The following ATRNL1 variants were observed in gnomAD, a reference collection of about 807,000 sequenced individuals.
ATRNL1 encodes the protein attractin-like protein 1.
ATRNL1 carries 95 observed loss-of-function variants against 182.7 expected under a neutral mutation model. The ratio of observed to expected loss-of-function variants is 0.52; its 90% CI spans 0.44 to 0.62. The LOEUF (loss-of-function observed/expected upper bound fraction) is 0.62, where lower values mean the gene tolerates loss of function less well. Ranked by LOEUF, ATRNL1 falls within the 20% of genes least tolerant of loss-of-function variation. The pLI is 0.00. For synonymous variants in ATRNL1, 576 were observed against 568.3 expected (o/e 1.01, Z -0.19); for missense variants, 1,471 against 1,679.5 (o/e 0.88, Z 2.17).
At chr10:115,787,304 T>C (rs1555080614) in intron 27 of ATRNL1, among the ~76,000 whole-genome samples, 1 of 152,144 alleles carries the variant, frequency 6.6e-6, no homozygotes, top group Non-Finnish European at 1.5e-5. Context: ...AGTAGAGATT[T>C]GCAACATCAA....
chr10:115,376,819 T>C (rs1373238022), intron 19 of ATRNL1, among the ~76,000 whole-genome samples: 1 of 152,244 alleles, frequency 6.6e-6, no homozygotes, highest in Non-Finnish European at 1.5e-5. Flanking sequence ...TCTCCCTTTG[T>C]CACATCTTCT....
At chr10:115,417,236 T>C (rs1845433048) in intron 20 of ATRNL1, among the ~76,000 whole-genome samples, 1 of 152,172 alleles carries the variant, frequency 6.6e-6, no homozygotes. Context: ...TGTGTACTAG[T>C]GTAAGAGACT....
chr10:115,446,030 A>T lies in ATRNL1; in HGVS notation c.3323-15911A>T, dbSNP rs116728223. Among the ~76,000 whole-genome samples, 1,226 of 152,204 alleles carry T rather than the reference A, an allele frequency of 8.1e-3. 17 individuals carry two copies. The highest frequency in any genetic ancestry group is 0.027 in the African/African-American group (1,130 of 41,546). The stretch of plus-strand genomic sequence containing the variant: ...ATGGGTTGTTTTTACATTTTGGCTA[A>T]TTTGAATAATATTGGTGTAATATAA... On this transcript the variant is annotated intron_variant, in intron 21 of 28. Coordinates refer to ENST00000355044, the MANE Select transcript of ATRNL1 (RefSeq NM_207303.4).
chr10:115,890,225 C>T (rs1952047425), intron 28 of ATRNL1, among the ~76,000 whole-genome samples: 1 of 152,174 alleles, frequency 6.6e-6, no homozygotes, highest in African/African-American at 2.4e-5. Context: ...CGTTAGAGCA[C>T]ATGGGGACAG....
chr10:115,819,431 A>G lies in ATRNL1; in HGVS notation c.3904-28446A>G, dbSNP rs1950241288. ...ATCAGGCCTATATCTCTAGGTTTTA[A>G]GAAATTTAGGAATTCAAAATATTTG... On this transcript the variant is annotated intron_variant, in intron 27 of 28. Transcript: ENST00000355044. 2.0e-5 allele frequency among the ~76,000 whole-genome samples: 3 copies of G among 152,232 alleles called. No individual in the cohort carries two copies. In the South Asian group the frequency reaches 6.2e-4, roughly 32 times the overall value.
intron 26 of ATRNL1, among the ~76,000 whole-genome samples, chr10:115,672,466 T>C (rs1945727033): frequency 6.6e-6 from 1 of 152,128 alleles, no homozygotes; most frequent in African/African-American, 2.4e-5. Context: ...TCCTAAATTA[T>C]AGCGTTTTAG....
chr10:115,902,575 A>G (rs1016628404), intron 28 of ATRNL1, among the ~76,000 whole-genome samples: 5 of 152,130 alleles, frequency 3.3e-5, no homozygotes, highest in African/African-American at 1.2e-4. Context: ...GAAAGTGAAA[A>G]CAGCAGAGTC....
At chr10:115,834,179 A>G (rs1050233316) in intron 27 of ATRNL1, among the ~76,000 whole-genome samples, 3 of 152,152 alleles carry the variant, frequency 2.0e-5, no homozygotes, top group African/African-American at 4.8e-5. Context: ...CTTGCTCCCC[A>G]CAGTAGGCCT....
intron 20 of ATRNL1, among the ~76,000 whole-genome samples, chr10:115,421,634 G>A (rs1845655732): frequency 6.6e-6 from 1 of 152,034 alleles, no homozygotes; most frequent in Non-Finnish European, 1.5e-5. Context: ...TGAAGCAAAT[G>A]CCATAGTATG....
intron 24 of ATRNL1, among the ~76,000 whole-genome samples, chr10:115,515,051 A>T (rs1433960544): frequency 6.6e-6 from 1 of 151,894 alleles, no homozygotes; most frequent in Non-Finnish European, 1.5e-5. Flanking sequence ...CTTCTTTAGA[A>T]CTTCCTCAGG....
intron 27 of ATRNL1, among the ~76,000 whole-genome samples, chr10:115,818,496 C>T (rs1264397932): frequency 6.6e-6 from 1 of 152,068 alleles, no homozygotes; most frequent in Non-Finnish European, 1.5e-5. Flanking sequence ...CTGTATTCTG[C>T]TCTCATGTTA....
chr10:115,671,478 A>G (rs1411393162), intron 26 of ATRNL1, among the ~76,000 whole-genome samples: 1 of 152,140 alleles, frequency 6.6e-6, no homozygotes, highest in Non-Finnish European at 1.5e-5. Flanking sequence ...ACACATTTTG[A>G]TAGCATTCCA....
At chr10:115,623,992 A>G (rs1857936027) in intron 26 of ATRNL1, among the ~76,000 whole-genome samples, 1 of 152,148 alleles carries the variant, frequency 6.6e-6, no homozygotes, top group African/African-American at 2.4e-5. Flanking sequence ...AAAAATGAAT[A>G]TAGTCATAAT....
intron 27 of ATRNL1, among the ~76,000 whole-genome samples, chr10:115,814,689 G>A (rs2134265264): frequency 6.6e-6 from 1 of 152,224 alleles, no homozygotes. Flanking sequence ...AGGACAAAGA[G>A]GAAGAAGCAG....
chr10:115,661,028 A>G (rs921662492), intron 26 of ATRNL1, among the ~76,000 whole-genome samples: 6 of 152,080 alleles, frequency 3.9e-5, no homozygotes, highest in Non-Finnish European at 7.4e-5. Context: ...ATTATTATCA[A>G]TGTATATTGT....
At chr10:115,106,990 G>A (rs191046480) in intron 1 of ATRNL1, among the ~76,000 whole-genome samples, 116 of 152,290 alleles carry the variant, frequency 7.6e-4, no homozygotes, top group Admixed American at 3.4e-3. Context: ...AGAGGGTCAA[G>A]GGATAGGCAA....
At chr10:115,132,283 G>T (rs1346169221) in intron 5 of ATRNL1, among the ~76,000 whole-genome samples, 1 of 152,178 alleles carries the variant, frequency 6.6e-6, no homozygotes, top group Admixed American at 6.5e-5. Context: ...TGGCTGTATA[G>T]TATTCCATGG....
In ATRNL1 at chr10:115,911,606, GC is replaced by G. The variant is rs1432392763; in HGVS notation, c.4019-33050del. 4.6e-5 allele frequency among the ~76,000 whole-genome samples: 7 copies of G among 152,264 alleles called. No individual in the cohort carries two copies. In the Middle Eastern group the frequency reaches 0.014, roughly 296 times the overall value. On this transcript the variant is annotated intron_variant, in intron 28 of 28. Transcript: ENST00000355044. ...TGGGATTAAAGCCGTGAGCCACCGT[GC>G]CTGGCTAAAACCCATTTTATAGATC... is the stretch of plus-strand genomic sequence containing the variant.
At chr10:115,549,336 A>C in intron 25 of ATRNL1, 122 bp from the exon 26 acceptor site, 1 of 521,506 alleles carries the variant, frequency 1.9e-6, no homozygotes, top group Non-Finnish European at 3.0e-6. Context: ...CATATTTTTG[A>C]TTGTTTACCT....
Sources: allele counts gnomAD v4.1 joint callset (sites outside exome capture counted in the v4.1 genomes callset), GRCh38; gene constraint gnomAD v4.1.1; transcripts MANE v1.5; gene names NCBI Gene and HGNC (gene_info 2026-07-23, HGNC 2026-07-21).